DDX10: variants seen among roughly 807,000 people sequenced by gnomAD.
DDX10 encodes probable ATP-dependent RNA helicase DDX10.
DDX10 carries 74 observed loss-of-function variants against 104.3 expected under a neutral mutation model. The ratio of observed to expected loss-of-function variants is 0.71; its 90% CI spans 0.59 to 0.86. The LOEUF (loss-of-function observed/expected upper bound fraction) is 0.86. Ranked by LOEUF, DDX10 falls within the 40% of genes least tolerant of loss-of-function variation. The pLI is 0.00. For synonymous variants in DDX10, 351 were observed against 353.4 expected (o/e 0.99, Z 0.08); for missense variants, 952 against 1,040.0 (o/e 0.92, Z 1.16).
chr11:108,784,632 C>T (rs80249976), intron 13 of DDX10, among the ~76,000 whole-genome samples: 4,702 of 152,122 alleles, frequency 0.031, 191 homozygotes, highest in East Asian at 0.21. Context: ...ATTTTTTCTC[C>T]GATTCTGTAG....
chr11:108,882,098 T>C (rs1863234214), intron 16 of DDX10, among the ~76,000 whole-genome samples: 2 of 152,264 alleles, frequency 1.3e-5, no homozygotes, highest in Admixed American at 1.3e-4. Context: ...TGCTTTACCA[T>C]GAGGTAATTA....
At chr11:108,667,702 A>T (rs1269849791) in intron 1 of DDX10, among the ~76,000 whole-genome samples, 1 of 152,188 alleles carries the variant, frequency 6.6e-6, no homozygotes, top group Non-Finnish European at 1.5e-5. Context: ...TGTGCTTCTC[A>T]TCCTGGTACT....
intron 13 of DDX10, among the ~76,000 whole-genome samples, chr11:108,739,976 CTTT>C (rs35940578): frequency 7.8e-6 from 1 of 127,468 alleles, no homozygotes; most frequent in African/African-American, 2.9e-5. Flanking sequence ...GGCTACCCAC[CTTT>C]TTTTTTTTTT....
At chr11:108,847,284 A>T (rs1862732576) in intron 15 of DDX10, among the ~76,000 whole-genome samples, 1 of 152,190 alleles carries the variant, frequency 6.6e-6, no homozygotes, top group African/African-American at 2.4e-5. Context: ...CTATTTTTGA[A>T]TGATTTTTAC....
chr11:108,740,889 A>G lies in DDX10; in HGVS notation c.1965+17427A>G, dbSNP rs553896771. 6.1e-4 allele frequency among the ~76,000 whole-genome samples: 92 copies of G among 152,060 alleles called. 1 individual carries two copies. The highest frequency in any genetic ancestry group is 2.1e-3 in the African/African-American group (88 of 41,526). On this transcript the variant is annotated intron_variant, in intron 13 of 17. Coordinates refer to ENST00000322536, the MANE Select transcript of DDX10 (RefSeq NM_004398.4). ...TGAATATTAGACATTTGTTGGATGC[A>G]TGGCTTGTTAATATTTTGGTTATCT...
chr11:108,741,671 G>GCA (rs2094325354), intron 13 of DDX10, among the ~76,000 whole-genome samples: 1 of 152,132 alleles, frequency 6.6e-6, no homozygotes, highest in South Asian at 2.1e-4. Flanking sequence ...AAACTTTGTT[G>GCA]AAGTTTATCA....
chr11:108,893,364 A>G (rs965219552), intron 16 of DDX10, among the ~76,000 whole-genome samples: 1 of 152,104 alleles, frequency 6.6e-6, no homozygotes, highest in Non-Finnish European at 1.5e-5. Flanking sequence ...TTTGGGTTCT[A>G]GCTCTACTAC....
chr11:108,836,392 T>C (rs1862555778), intron 13 of DDX10, among the ~76,000 whole-genome samples: 1 of 152,266 alleles, frequency 6.6e-6, no homozygotes, highest in African/African-American at 2.4e-5. Flanking sequence ...CTAGCTATTT[T>C]CATAACCGTG....
At chr11:108,920,092 G>GA (rs1219989530) in intron 17 of DDX10, 1 of 152,004 alleles carries the variant, frequency 6.6e-6, no homozygotes, top group African/African-American at 2.4e-5. Context: ...GGTTAAAAAA[G>GA]AAATGTAATT....
intron 10 of DDX10, among the ~76,000 whole-genome samples, chr11:108,710,361 C>T (rs2094282609): frequency 6.6e-6 from 1 of 152,062 alleles, no homozygotes; most frequent in South Asian, 2.1e-4. Flanking sequence ...TAGCTTAAAA[C>T]CCACATTATA....
chr11:108,878,846 T>C (rs1226651100), intron 16 of DDX10, among the ~76,000 whole-genome samples: 1 of 152,184 alleles, frequency 6.6e-6, no homozygotes, highest in Non-Finnish European at 1.5e-5. Flanking sequence ...AAAGATTATT[T>C]AACTGCTCAA....
At chr11:108,677,940 A>C (rs1382244100) in intron 4 of DDX10, among the ~76,000 whole-genome samples, 3 of 151,980 alleles carry the variant, frequency 2.0e-5, no homozygotes, top group Non-Finnish European at 4.4e-5. Context: ...ACAGTCCTTG[A>C]GCGGTGTCAG....
At chr11:108,724,092 T>A (rs2094302268) in intron 13 of DDX10, among the ~76,000 whole-genome samples, 1 of 152,110 alleles carries the variant, frequency 6.6e-6, no homozygotes, top group African/African-American at 2.4e-5. Context: ...TTTCCCCTTC[T>A]CCCTTATTCC....
chr11:108,921,638 T>G (rs950449626), intron 17 of DDX10: 1 of 152,220 alleles, frequency 6.6e-6, no homozygotes, highest in African/African-American at 2.4e-5. Flanking sequence ...TTCACTCTTA[T>G]GGGACTAGAT....
chr11:108,816,359 G>C (rs1006596951), intron 13 of DDX10, among the ~76,000 whole-genome samples: 1 of 151,866 alleles, frequency 6.6e-6, no homozygotes, highest in African/African-American at 2.4e-5. Context: ...AATATCTCTT[G>C]GATATTTAAT....
At chr11:108,672,315 C>G (rs918346704) in intron 1 of DDX10, among the ~76,000 whole-genome samples, 3 of 152,116 alleles carry the variant, frequency 2.0e-5, no homozygotes, top group African/African-American at 7.2e-5. Flanking sequence ...CCTTTGAAAA[C>G]AGCTTTTTAG....
In DDX10 at chr11:108,678,411, C is replaced by CAA; in HGVS notation, c.635_636insAA (p.His212GlnfsTer9). The CAA allele has an allele frequency of 6.2e-7, 1 of 1,609,290 alleles. No individual in the cohort carries two copies. Among genetic ancestry groups the CAA allele is most frequent in the African/African-American group, 1.3e-5 (1 of 74,810 alleles). On this transcript the variant is annotated frameshift_variant, in exon 5 of 18. Coordinates refer to ENST00000322536, the MANE Select transcript of DDX10 (RefSeq NM_004398.4). LOFTEE classifies it high-confidence loss of function. Reference sequence around the variant, plus strand: ...ACACATGGATGAAACAGTATCTTTTCATGCTACCGACCTCCAAATGTTAGG... The same window carrying CAA: ...ACACATGGATGAAACAGTATCTTTTCAAATGCTACCGACCTCCAAATGTTAGG...
intron 16 of DDX10, among the ~76,000 whole-genome samples, chr11:108,866,309 A>C (rs1169617436): frequency 6.6e-6 from 1 of 152,174 alleles, no homozygotes; most frequent in Non-Finnish European, 1.5e-5. Flanking sequence ...AGGAGTGCCA[A>C]ATGCCACAAG....
chr11:108,867,765 C>T (rs1301158112), intron 16 of DDX10, among the ~76,000 whole-genome samples: 2 of 152,036 alleles, frequency 1.3e-5, no homozygotes, highest in Admixed American at 1.3e-4. Context: ...TAATGGACAG[C>T]AAGGAAAATG....
Sources: allele counts gnomAD v4.1 joint callset (sites outside exome capture counted in the v4.1 genomes callset), GRCh38; gene constraint gnomAD v4.1.1; transcripts MANE v1.5; gene names NCBI Gene and HGNC (gene_info 2026-07-23, HGNC 2026-07-21).